The following PPP2R3A variants were observed in gnomAD, a reference collection of about 807,000 sequenced individuals.
The protein encoded by PPP2R3A is serine/threonine-protein phosphatase 2A regulatory subunit B'' subunit alpha.
PPP2R3A carries 80 observed loss-of-function variants against 106.9 expected under a neutral mutation model. That is an observed-to-expected ratio of 0.75 (90% CI 0.62 to 0.90). The LOEUF (loss-of-function observed/expected upper bound fraction) is 0.90. Ranked by LOEUF, PPP2R3A falls within the 40% of genes least tolerant of loss-of-function variation. PPP2R3A has a pLI of 0.00. For missense variants in PPP2R3A, 1,386 were observed against 1,350.4 expected (o/e 1.03, Z -0.41); for synonymous variants, 483 against 468.3 (o/e 1.03, Z -0.41).
At chr3:136,126,799 A>G (rs1938198534) in intron 13 of PPP2R3A, among the ~76,000 whole-genome samples, 1 of 152,180 alleles carries the variant, frequency 6.6e-6, no homozygotes, top group Non-Finnish European at 1.5e-5. Context: ...CAGAGGAAGG[A>G]TCAGGCAGCA....
At chr3:135,981,984 T>G (rs1340900285) in intron 1 of PPP2R3A, among the ~76,000 whole-genome samples, 2 of 151,742 alleles carry the variant, frequency 1.3e-5, no homozygotes, top group African/African-American at 4.9e-5. Context: ...GCAGAATGAC[T>G]GGAGTTTGGA....
At chr3:135,995,698 C>T (rs1161147489) in intron 1 of PPP2R3A, among the ~76,000 whole-genome samples, 1 of 152,032 alleles carries the variant, frequency 6.6e-6, no homozygotes, top group African/African-American at 2.4e-5. Context: ...ATTGTGAACT[C>T]CTGACCTCAG....
chr3:136,144,660 CAA>C lies in PPP2R3A; in HGVS notation c.3330-372_3330-371del, dbSNP rs111855021. 1.6e-3 allele frequency among the ~76,000 whole-genome samples: 215 copies of C among 133,278 alleles called. 1 individual carries two copies. The highest frequency in any genetic ancestry group is 5.5e-3 in the African/African-American group (201 of 36,880). 87.4% of individuals were successfully genotyped at this position (133,278 alleles called of 152,430 possible). ...TGGGTGACAGAGCAAGGCTCCGTCTCAAAAAAAAAAAAGGTTTGCCACTCTGA... is the reference window on the plus strand; with the variant it reads ...TGGGTGACAGAGCAAGGCTCCGTCTCAAAAAAAAAAGGTTTGCCACTCTGA... On this transcript the variant is annotated intron_variant, in intron 13 of 13. Transcript: ENST00000264977.
chr3:136,113,582 G>A (rs1410377453), intron 13 of PPP2R3A, among the ~76,000 whole-genome samples: 3 of 152,154 alleles, frequency 2.0e-5, no homozygotes, highest in African/African-American at 7.2e-5. Flanking sequence ...CTTGAGGCTA[G>A]GAGTTCGAGA....
At chr3:135,988,336 A>G (rs1435470393) in intron 1 of PPP2R3A, among the ~76,000 whole-genome samples, 2 of 151,540 alleles carry the variant, frequency 1.3e-5, no homozygotes, top group Non-Finnish European at 2.9e-5. Flanking sequence ...CATGTATCCC[A>G]TTGGCTCTAC....
intron 10 of PPP2R3A, among the ~76,000 whole-genome samples, chr3:136,094,324 T>G (rs1937167575): frequency 6.6e-6 from 1 of 152,174 alleles, no homozygotes; most frequent in African/African-American, 2.4e-5. Context: ...CTGTGAATGT[T>G]AAAAACCCTT....
At chr3:136,061,237 A>G (rs1576471636) in intron 5 of PPP2R3A, among the ~76,000 whole-genome samples, 1 of 152,254 alleles carries the variant, frequency 6.6e-6, no homozygotes, top group East Asian at 1.9e-4. Context: ...CTAATTGGAG[A>G]GTGGGGAAGA....
At chr3:136,048,916 A>AT (rs1450180347) in intron 4 of PPP2R3A, among the ~76,000 whole-genome samples, 1 of 152,082 alleles carries the variant, frequency 6.6e-6, no homozygotes, top group Non-Finnish European at 1.5e-5. Flanking sequence ...AGCTTGAACC[A>AT]TTGGGTGCTT....
chr3:136,051,827 C>A (rs1935697002), intron 5 of PPP2R3A, among the ~76,000 whole-genome samples: 1 of 152,186 alleles, frequency 6.6e-6, no homozygotes, highest in South Asian at 2.1e-4. Flanking sequence ...ATAACCACTA[C>A]CCTGACTAAT....
At chr3:136,077,776 T>C (rs1444563582) in intron 6 of PPP2R3A, among the ~76,000 whole-genome samples, 2 of 152,178 alleles carry the variant, frequency 1.3e-5, no homozygotes, top group Non-Finnish European at 2.9e-5. Context: ...TTCTCCAGAG[T>C]TGCAATTCTG....
chr3:136,129,132 T>C (rs1011056589), intron 13 of PPP2R3A, among the ~76,000 whole-genome samples: 6 of 150,972 alleles, frequency 4.0e-5, no homozygotes, highest in African/African-American at 9.8e-5. Context: ...AGCAAACAAA[T>C]TGAAAAGCTA....
At chr3:136,120,134 G>C (rs917431188) in intron 13 of PPP2R3A, among the ~76,000 whole-genome samples, 5 of 149,478 alleles carry the variant, frequency 3.3e-5, no homozygotes, top group Non-Finnish European at 6.0e-5. Context: ...AGGCCTGTCC[G>C]GGGGGGGTGG....
intron 2 of PPP2R3A, among the ~76,000 whole-genome samples, chr3:136,013,942 A>C (rs1934185779): frequency 6.6e-6 from 1 of 152,050 alleles, no homozygotes; most frequent in African/African-American, 2.4e-5. Context: ...GGTTTTTCCG[A>C]TGTTGTCTTC....
intron 6 of PPP2R3A, among the ~76,000 whole-genome samples, chr3:136,077,538 T>C (rs2107921834): frequency 8.6e-6 from 1 of 115,692 alleles, no homozygotes; most frequent in African/African-American, 3.4e-5. Flanking sequence ...CTCAAATTGC[T>C]CTTTTTACCA....
intron 7 of PPP2R3A, among the ~76,000 whole-genome samples, 182 bp downstream of exon 7, chr3:136,078,635 G>T (rs1164088623): frequency 3.4e-5 from 5 of 147,788 alleles, no homozygotes; most frequent in Non-Finnish European, 7.3e-5. Flanking sequence ...AAAATGAAGA[G>T]AATAATAAGG....
chr3:136,099,121 T>TCA (rs1385839239), intron 10 of PPP2R3A, among the ~76,000 whole-genome samples: 5 of 152,118 alleles, frequency 3.3e-5, no homozygotes, highest in African/African-American at 1.2e-4. Flanking sequence ...GAAACTGAAA[T>TCA]GCTTTTCTGG....
intron 2 of PPP2R3A, among the ~76,000 whole-genome samples, chr3:136,006,787 A>G (rs1209350258): frequency 6.6e-6 from 1 of 152,236 alleles, no homozygotes; most frequent in Admixed American, 6.5e-5. Context: ...ATATAGATAT[A>G]TATGAATCCA....
intron 5 of PPP2R3A, chr3:136,055,235 A>T (rs1318854222): frequency 5.0e-6 from 4 of 800,434 alleles, no homozygotes; most frequent in Non-Finnish European, 8.6e-6. Flanking sequence ...CATACTTTCT[A>T]TCAAGCTGCG....
chr3:136,040,947 T>C lies in PPP2R3A; in HGVS notation c.2351T>C (p.Ile784Thr), dbSNP rs753074848. The C allele has an allele frequency of 6.8e-6, 11 of 1,613,432 alleles. No individual in the cohort carries two copies. The highest frequency in any genetic ancestry group is 9.3e-6 in the Non-Finnish European group (11 of 1,179,668). The change falls in exon 4 of 14, where the codon ATT becomes ACT. Residue 784 changes from isoleucine (I) to threonine (T), a missense_variant. Physicochemically the swap from Ile to Thr is moderately conservative, Grantham distance 89. Coordinates refer to ENST00000264977, the MANE Select transcript of PPP2R3A (RefSeq NM_002718.5). ...KTGFVTAQSF[I>T]AMWRKLLNNH... ...GGATTTGTGACAGCACAGTCATTCA[T>C]TGCCATGTGGAGAAAGTAAGTATGT...
Sources: gnomAD v4.1 joint callset for allele counts (sites outside exome capture counted in the v4.1 genomes callset) on GRCh38, gnomAD v4.1.1 for gene constraint, MANE v1.5 for transcripts, NCBI Gene and HGNC (gene_info 2026-07-23, HGNC 2026-07-21) for gene names.